KDELR2: variants seen among roughly 807,000 people sequenced by gnomAD.
KDELR2 encodes ER lumen protein-retaining receptor 2.
KDELR2 carries 15 observed loss-of-function variants against 23.9 expected under a neutral mutation model. The observed-to-expected ratio is 0.63, with a 90% CI of 0.42 to 0.97. The LOEUF is 0.97. KDELR2 is among the 50% of genes least tolerant of loss of function. The pLI is 0.00. For synonymous variants in KDELR2, 119 were observed against 106.2 expected, an observed-to-expected ratio of 1.12 and a Z score of -0.74; for missense variants, 272 against 254.6, an observed-to-expected ratio of 1.07 and a Z score of -0.46.
chr7:6,474,353 C>T (rs527598730), intron 1 of KDELR2, 69 bp from the exon 2 acceptor site: 8 of 1,058,750 alleles, frequency 7.6e-6, no homozygotes, highest in South Asian at 2.5e-5. Context: ...TCACACTGTG[C>T]AGGGAGTGCA....
rs544103100 is a variant in KDELR2 at position 6,468,726 on chromosome 7, A to C, written c.351+870T>G. Among the ~76,000 whole-genome samples, 47 of 151,240 alleles carry C rather than the reference A, an allele frequency of 3.1e-4. No individual in the cohort carries two copies. The Middle Eastern group carries it at 0.01, about 34-fold the overall frequency. Reference sequence around the variant, plus strand: ...TTCACCGTGTTAGCTGGATGGTCTCAATCCCTTGACTTCGTGTCCCACCTG... The same window carrying C: ...TTCACCGTGTTAGCTGGATGGTCTCCATCCCTTGACTTCGTGTCCCACCTG... On this transcript the variant is annotated intron_variant, in intron 3 of 4. Coordinates refer to ENST00000258739, the MANE Select transcript of KDELR2 (RefSeq NM_006854.4).
chr7:6,468,847 C>T (rs1785561029), intron 3 of KDELR2, among the ~76,000 whole-genome samples: 1 of 152,006 alleles, frequency 6.6e-6, no homozygotes, highest in Non-Finnish European at 1.5e-5. Context: ...CCATGTTGGC[C>T]AGGCTGAATG....
chr7:6,483,194 C>T (rs1238482579), intron 1 of KDELR2, among the ~76,000 whole-genome samples: 5 of 152,138 alleles, frequency 3.3e-5, no homozygotes, highest in Non-Finnish European at 7.4e-5. Context: ...ATTGCAGGAG[C>T]CCATAGGAGG....
At chr7:6,472,807 GT>G (rs1785678695) in intron 2 of KDELR2, among the ~76,000 whole-genome samples, 1 of 151,858 alleles carries the variant, frequency 6.6e-6, no homozygotes, top group Non-Finnish European at 1.5e-5. Context: ...GCCTAGAATA[GT>G]GCCTGGTGCA....
At chr7:6,476,452 A>G (rs1042178671) in intron 1 of KDELR2, among the ~76,000 whole-genome samples, 4 of 152,230 alleles carry the variant, frequency 2.6e-5, no homozygotes, top group Admixed American at 2.6e-4. Context: ...CAGTCAGACC[A>G]TACCTGGTGT....
chr7:6,466,442 G>T, intron 3 of KDELR2, 119 bp from the exon 4 acceptor site: 2 of 1,243,264 alleles, frequency 1.6e-6, no homozygotes, highest in South Asian at 1.5e-5. Context: ...GGGCATGTCG[G>T]CCCAAAATAG....
intron 4 of KDELR2, among the ~76,000 whole-genome samples, chr7:6,465,250 C>G (rs1036502799): frequency 2.0e-5 from 3 of 148,000 alleles, no homozygotes; most frequent in African/African-American, 7.5e-5. Context: ...GTGGCGCGAT[C>G]TGGGCTCACT....
chr7:6,472,897 CT>C (rs35369447), intron 2 of KDELR2, among the ~76,000 whole-genome samples: 47,071 of 111,056 alleles, frequency 0.42, 9,695 homozygotes, highest in Middle Eastern at 0.52. Flanking sequence ...AGCCCCTGTT[CT>C]TTTTTTTTTT....
intron 1 of KDELR2, among the ~76,000 whole-genome samples, chr7:6,483,018 AT>A (rs1785937952): frequency 6.6e-6 from 1 of 151,922 alleles, no homozygotes; most frequent in African/African-American, 2.4e-5. Context: ...AAAAAAAAAA[AT>A]AAGTTAAAAA....
chr7:6,481,355 A>C (rs6960903), intron 1 of KDELR2, among the ~76,000 whole-genome samples: 2 of 140,876 alleles, frequency 1.4e-5, no homozygotes, highest in East Asian at 4.1e-4. Context: ...ACAAGATCAA[A>C]AGTTCATCTC....
intron 4 of KDELR2, 128 bp downstream of exon 4, chr7:6,465,943 T>A: frequency 1.1e-6 from 1 of 934,878 alleles, no homozygotes. Flanking sequence ...AGAATGTTAT[T>A]GGCCAATCAT....
Position 6,484,151 on chromosome 7 carries a change from G to T in KDELR2, c.-94C>A, listed in dbSNP as rs909479061. 1 of 1,035,158 alleles carries T rather than the reference G, an allele frequency of 9.7e-7. No individual in the cohort carries two copies. Among genetic ancestry groups the T allele is most frequent in the Non-Finnish European group, 1.2e-6 (1 of 810,614 alleles). 64.1% of individuals were successfully genotyped at this position (1,035,158 alleles called of 1,614,324 possible). On this transcript the variant is annotated 5_prime_UTR_variant, in exon 1 of 5. Transcript: ENST00000258739. ...CCCCTGAGAGGAAGCGGCGAAGATG[G>T]CGAGATCGCCCGCGACGTGGCCAGG...
intron 1 of KDELR2, among the ~76,000 whole-genome samples, chr7:6,478,740 A>G (rs900660959): frequency 6.6e-6 from 1 of 152,148 alleles, no homozygotes; most frequent in Non-Finnish European, 1.5e-5. Context: ...GTATGAACAT[A>G]CATGCAGGTC....
chr7:6,481,424 C>T (rs543706022), intron 1 of KDELR2, among the ~76,000 whole-genome samples: 1 of 151,348 alleles, frequency 6.6e-6, no homozygotes, highest in East Asian at 1.9e-4. Context: ...CTAAATTCTC[C>T]CAAATATCTT....
At chr7:6,476,995 T>C (rs1018008972) in intron 1 of KDELR2, among the ~76,000 whole-genome samples, 1 of 152,188 alleles carries the variant, frequency 6.6e-6, no homozygotes, top group Non-Finnish European at 1.5e-5. Context: ...AATGAATAAA[T>C]GGACAAAAGA....
At chr7:6,465,104 G>A (rs1785473938) in intron 4 of KDELR2, among the ~76,000 whole-genome samples, 1 of 151,672 alleles carries the variant, frequency 6.6e-6, no homozygotes, top group Non-Finnish European at 1.5e-5. Flanking sequence ...TTTAGCCTGG[G>A]ATCTGTGGTT....
At chr7:6,477,552 C>T (rs997859597) in intron 1 of KDELR2, among the ~76,000 whole-genome samples, 1 of 152,160 alleles carries the variant, frequency 6.6e-6, no homozygotes, top group Non-Finnish European at 1.5e-5. Flanking sequence ...TATCCCCTTA[C>T]CAAATACACC....
intron 1 of KDELR2, among the ~76,000 whole-genome samples, chr7:6,483,742 G>C (rs1302720203): frequency 6.6e-6 from 1 of 152,170 alleles, no homozygotes; most frequent in African/African-American, 2.4e-5. Flanking sequence ...GTTCACGCGG[G>C]GACCGACTGC....
At position 6,466,128 on chromosome 7, in the gene KDELR2, C is replaced by G. The variant is rs1390649487; in HGVS notation, c.547G>C (p.Ala183Pro). Residue 183 changes from alanine (A) to proline (P), a missense_variant, in exon 4 of 5, where the codon GCC (alanine) becomes CCC (proline). Transcript: ENST00000258739. ...EGFFDLIAVV[A>P]GVVQTILYCD... is the part of the protein sequence containing the mutation. ...TATAGGATGGTCTGGACTACGCCGG[C>G]CACCACAGCAATGAGGTCAAAGAAG... 1 of 1,614,134 alleles carries G rather than the reference C, an allele frequency of 6.2e-7. No homozygotes were observed. Among genetic ancestry groups the G allele is most frequent in the East Asian group, 2.2e-5 (1 of 44,890 alleles).
Sources: gnomAD v4.1 joint callset for allele counts (sites outside exome capture counted in the v4.1 genomes callset) on GRCh38, gnomAD v4.1.1 for gene constraint, MANE v1.5 for transcripts, NCBI Gene and HGNC (gene_info 2026-07-23, HGNC 2026-07-21) for gene names.